Variants in TFB1M observed in about 807,000 individuals in gnomAD.
TFB1M encodes the protein transcription factor B1, mitochondrial.
TFB1M carries 27 observed loss-of-function variants against 31.1 expected under a neutral mutation model. The ratio of observed to expected loss-of-function variants is 0.87; its 90% CI spans 0.64 to 1.20. TFB1M has a LOEUF of 1.20. Ranked by LOEUF, TFB1M falls within the 50% of genes most tolerant of loss-of-function variation. The probability of loss-of-function intolerance (pLI) is 0.00; values close to 1 mark genes in which losing one functional copy is unlikely to be tolerated. For missense variants in TFB1M, 394 were observed against 418.7 expected (o/e 0.94, Z 0.51); for synonymous variants, 166 against 151.8 (o/e 1.09, Z -0.69).
the TFB1M span, among the ~76,000 whole-genome samples, chr6:155,238,758 A>G: frequency 1.3e-5 from 2 of 152,218 alleles, no homozygotes; most frequent in Non-Finnish European, 2.9e-5. Context: ...GTCTTTGTTG[A>G]TTCCAGATTG....
chr6:155,252,900 C>T (rs1458452321), downstream of TFB1M: 1 of 1,523,590 alleles, frequency 6.6e-7, no homozygotes, highest in Admixed American at 1.7e-5. Context: ...CATCCTCCCT[C>T]AGTGACAGCT....
At chr6:155,264,270 G>C (rs1430472074) in intron 5 of TFB1M, 1 of 152,124 alleles carries the variant, frequency 6.6e-6, no homozygotes, top group South Asian at 2.1e-4. Context: ...CACGGGCCTC[G>C]AGGTTACAAC....
At chr6:155,276,359 AAT>A in intron 5 of TFB1M, 1 of 1,612,984 alleles carries the variant, frequency 6.2e-7, no homozygotes, top group South Asian at 1.1e-5. Context: ...TTCCACACAC[AAT>A]CTGAAGGATT....
downstream of TFB1M, chr6:155,254,550 G>A (rs1166291004): frequency 5.6e-6 from 9 of 1,612,630 alleles, no homozygotes; most frequent in African/African-American, 2.7e-5. Context: ...CTTAAGAACC[G>A]AGTTCCTGTT....
downstream of TFB1M, chr6:155,252,916 A>G (rs756317932): frequency 9.5e-6 from 15 of 1,584,084 alleles, no homozygotes; most frequent in Non-Finnish European, 2.6e-6. Flanking sequence ...CAGCTTCCCT[A>G]ACACTTTTCT....
In TFB1M at chr6:155,311,194, T is replaced by C; in HGVS notation, c.279A>G (p.Gly93=). 1 of 1,614,104 alleles carries C rather than the reference T, an allele frequency of 6.2e-7. No homozygotes were observed. Among genetic ancestry groups the C allele is most frequent in the Non-Finnish European group, 8.5e-7 (1 of 1,179,960 alleles). Residue 93 remains glycine (G), a synonymous_variant, in exon 2 of 7, where the codon GGA becomes GGG. Transcript: ENST00000367166. ...VVEKDTRFIP[G]LQMLSDAAPG... The stretch of plus-strand genomic sequence containing the variant: ...GACACTTTAAGCATCTCACCTGTAA[T>C]CCAGGAATAAATCGAGTGTCCTTTT...
rs754092124 is a variant in TFB1M, at chr6:155,257,832, G to T, written c.*4C>A. 1 of 1,614,050 alleles carries T rather than the reference G, an allele frequency of 6.2e-7. No individual in the cohort carries two copies. Among genetic ancestry groups the T allele is most frequent in the South Asian group, 1.1e-5 (1 of 91,072 alleles). On this transcript the variant is annotated 3_prime_UTR_variant, in exon 7 of 7. Coordinates refer to ENST00000367166, the MANE Select transcript of TFB1M (RefSeq NM_016020.4). ...CTGGTAGGCTGCTCGCCCCCAGGCA[G>T]CAGCTAGAGTCTGTAATTCTCTGCG...
intron 4 of TFB1M, among the ~76,000 whole-genome samples, chr6:155,292,962 G>A (rs114315720): frequency 1.3e-3 from 192 of 152,130 alleles, no homozygotes; most frequent in African/African-American, 4.4e-3. Flanking sequence ...CTGAGTAGTC[G>A]AGACCACAGG....
In TFB1M at chr6:155,258,075, A is replaced by AT. The variant is rs774275544; in HGVS notation, c.801dup (p.Phe268IlefsTer3). ...CTTTCCAAGCGCTGCGCTTCAGGGA[A>AT]TAACATTCTGAGGGGAAGACAGACA... On this transcript the variant is annotated frameshift_variant, in exon 7 of 7. Coordinates refer to ENST00000367166, the MANE Select transcript of TFB1M (RefSeq NM_016020.4). LOFTEE classifies it low-confidence loss of function (END_TRUNC). 6.2e-7 allele frequency: 1 copy of AT among 1,614,216 alleles called. No homozygotes were observed. Among genetic ancestry groups the AT allele is most frequent in the African/African-American group, 1.3e-5 (1 of 75,062 alleles).
At chr6:155,309,672 A>G (rs1777935911) in intron 2 of TFB1M, among the ~76,000 whole-genome samples, 1 of 152,208 alleles carries the variant, frequency 6.6e-6, no homozygotes. Flanking sequence ...TCTTTTTAAG[A>G]GCAAAAAAGT....
At chr6:155,301,564 A>G (rs1182141215) in intron 2 of TFB1M, among the ~76,000 whole-genome samples, 4 of 152,234 alleles carry the variant, frequency 2.6e-5, no homozygotes, top group Admixed American at 2.0e-4. Context: ...GCTTAAAGGC[A>G]CAGCCAATCA....
chr6:155,290,509 G>A (rs1441840761), intron 4 of TFB1M, among the ~76,000 whole-genome samples: 1 of 151,682 alleles, frequency 6.6e-6, no homozygotes, highest in African/African-American at 2.4e-5. Context: ...AGACTTCTAA[G>A]GCATTCCATA....
intron 2 of TFB1M, among the ~76,000 whole-genome samples, chr6:155,302,691 TTTTAAG>T (rs1286969809): frequency 2.4e-4 from 37 of 152,200 alleles, no homozygotes; most frequent in African/African-American, 8.4e-4. Flanking sequence ...TTTATAGGAA[TTTTAAG>T]TTTGTTGGAT....
At chr6:155,251,892 C>T (rs1783678303), downstream of TFB1M, 1 of 1,432,880 alleles carries the variant, frequency 7.0e-7, no homozygotes, top group Non-Finnish European at 9.7e-7. Context: ...CTAGTTTAAC[C>T]TTGGAAGAGT....
chr6:155,276,929 AT>A (rs1785254956), intron 5 of TFB1M, among the ~76,000 whole-genome samples: 1 of 152,228 alleles, frequency 6.6e-6, no homozygotes, highest in South Asian at 2.1e-4. Context: ...TTTCTTTTTC[AT>A]TTTAGAAAAC....
the TFB1M span, among the ~76,000 whole-genome samples, chr6:155,250,263 G>A: frequency 1.3e-5 from 2 of 150,236 alleles, no homozygotes; most frequent in African/African-American, 4.9e-5. Context: ...GGCATGTGGA[G>A]TCTGGGGCTT....
chr6:155,268,968 G>A (rs9478631), intron 5 of TFB1M, among the ~76,000 whole-genome samples: 347 of 94,072 alleles, frequency 3.7e-3, no homozygotes, highest in Middle Eastern at 0.01. Context: ...AAAGAAAAAA[G>A]AAAAAAAATT....
chr6:155,262,398 C>T (rs1784432428), intron 5 of TFB1M, among the ~76,000 whole-genome samples: 1 of 152,060 alleles, frequency 6.6e-6, no homozygotes, highest in Non-Finnish European at 1.5e-5. Flanking sequence ...TGTCTGGCCA[C>T]TCTCTACACC....
At chr6:155,307,870 G>A (rs1399497781) in intron 2 of TFB1M, among the ~76,000 whole-genome samples, 5 of 151,432 alleles carry the variant, frequency 3.3e-5, no homozygotes, top group African/African-American at 9.7e-5. Flanking sequence ...CAGGCAGCCC[G>A]TGGGCCGTGT....
Sources: allele counts gnomAD v4.1 joint callset (sites outside exome capture counted in the v4.1 genomes callset), GRCh38; gene constraint gnomAD v4.1.1; transcripts MANE v1.5; gene names NCBI Gene and HGNC (gene_info 2026-07-23, HGNC 2026-07-21).